Variants in AHI1 observed in about 807,000 individuals in gnomAD.
AHI1 encodes Abelson helper integration site 1.
AHI1 carries 123 observed loss-of-function variants against 149.3 expected under a neutral mutation model. The observed-to-expected ratio is 0.82, with a 90% CI of 0.71 to 0.96. The LOEUF (loss-of-function observed/expected upper bound fraction) is 0.96, where lower values mean the gene tolerates loss of function less well. AHI1 is among the 40% of genes least tolerant of loss of function. AHI1 has a pLI of 0.00. For synonymous variants in AHI1, 475 were observed against 459.8 expected (o/e 1.03, Z -0.42); for missense variants, 1,439 against 1,422.7 (o/e 1.01, Z -0.18).
At chr6:135,390,546 G>A (rs942870339) in intron 23 of AHI1, among the ~76,000 whole-genome samples, 4 of 152,162 alleles carry the variant, frequency 2.6e-5, no homozygotes, top group African/African-American at 9.7e-5. Context: ...TCTCCCTGAG[G>A]GCTGTGAGCA....
chr6:135,339,906 A>G (rs111939536), intron 24 of AHI1, among the ~76,000 whole-genome samples: 2,004 of 152,328 alleles, frequency 0.013, 45 homozygotes, highest in African/African-American at 0.045. Flanking sequence ...CTCAAAAGCA[A>G]CAAGAATAAA....
At chr6:135,405,804 G>A (rs1410541963) in intron 21 of AHI1, among the ~76,000 whole-genome samples, 1 of 146,244 alleles carries the variant, frequency 6.8e-6, no homozygotes, top group Non-Finnish European at 1.5e-5. Flanking sequence ...AGGTTGTAGT[G>A]AGCCAAGATT....
intron 24 of AHI1, among the ~76,000 whole-genome samples, chr6:135,342,062 GAAA>G (rs1790456103): frequency 6.6e-6 from 1 of 151,596 alleles, no homozygotes; most frequent in Non-Finnish European, 1.5e-5. Flanking sequence ...GGCCAGGGTA[GAAA>G]AAACAAAAGG....
chr6:135,314,381 C>A lies in AHI1; in HGVS notation c.3426+4138G>T, dbSNP rs530997461. ...ACCCTGGATCTGCCAGCACATTGAT[C>A]ATGAACTTTCCAGCTTCCAGAAGTG... On this transcript the variant is annotated intron_variant, in intron 26 of 28. Coordinates refer to ENST00000265602, the MANE Select transcript of AHI1 (RefSeq NM_001134831.2). Among the ~76,000 whole-genome samples, 26 of 152,324 alleles carry A rather than the reference C, an allele frequency of 1.7e-4. No homozygotes were observed. In the South Asian group the frequency reaches 2.9e-3, roughly 17 times the overall value.
At position 135,370,142 on chromosome 6, in the gene AHI1, G is replaced by A. The variant is rs1178318737; in HGVS notation, c.3110-11955C>T. On this transcript the variant is annotated intron_variant, in intron 23 of 28. Coordinates refer to ENST00000265602, the MANE Select transcript of AHI1 (RefSeq NM_001134831.2). The stretch of plus-strand genomic sequence containing the variant: ...TAATCAGTAGACTGAAATAGCAAAC[G>A]TCTTCCCTCAGAAAAGGCTCACCAT... Among the ~76,000 whole-genome samples the A allele has an allele frequency of 3.3e-5, 5 of 152,138 alleles. No individual in the cohort carries two copies. In the East Asian group the frequency reaches 5.8e-4, roughly 18 times the overall value.
intron 8 of AHI1, among the ~76,000 whole-genome samples, chr6:135,460,427 G>A (rs1467498738): frequency 6.6e-6 from 1 of 152,148 alleles, no homozygotes; most frequent in Non-Finnish European, 1.5e-5. Context: ...AAATGGAAGT[G>A]CATACCAAAT....
chr6:135,442,169 CTT>C (rs1040510603), intron 14 of AHI1, among the ~76,000 whole-genome samples: 1 of 152,048 alleles, frequency 6.6e-6, no homozygotes, highest in Non-Finnish European at 1.5e-5. Context: ...TCTAGGTACT[CTT>C]GAGTCAATTA....
intron 27 of AHI1, among the ~76,000 whole-genome samples, chr6:135,298,414 G>A (rs1337358767): frequency 6.6e-6 from 1 of 151,108 alleles, no homozygotes; most frequent in Non-Finnish European, 1.5e-5. Context: ...TACATATATT[G>A]GTCAACCAAC....
Position 135,383,244 on chromosome 6 carries a change from T to C in AHI1, c.3109+11532A>G, listed in dbSNP as rs1428356458. On this transcript the variant is annotated intron_variant, in intron 23 of 28. Transcript: ENST00000265602. Reference sequence around the variant, plus strand: ...CCCCTCCCTTTTTTTTTTTTTTTTTTTTTGAGACAGGGTCTTGCTCTGTCA... The same window carrying C: ...CCCCTCCCTTTTTTTTTTTTTTTTTCTTTGAGACAGGGTCTTGCTCTGTCA... Among the ~76,000 whole-genome samples the C allele has an allele frequency of 2.8e-4, 37 of 133,080 alleles. No homozygotes were observed. The South Asian group carries it at 9.1e-3, about 33-fold the overall frequency. The allele number at this position is 133,080 out of a possible 152,430, so 87.3% of individuals were successfully genotyped here.
In AHI1 at chr6:135,415,249, T is replaced by C. The variant is rs191126340; in HGVS notation, c.2765-3705A>G. On this transcript the variant is annotated intron_variant, in intron 20 of 28. Coordinates refer to ENST00000265602, the MANE Select transcript of AHI1 (RefSeq NM_001134831.2). ...TTGGGTTGGTTCCAAGTCTTTCCTA[T>C]TGTGAATAGTGCCGCAATAAACATA... is the stretch of plus-strand genomic sequence containing the variant. Among the ~76,000 whole-genome samples, 81 of 152,238 alleles carry C rather than the reference T, an allele frequency of 5.3e-4. 2 individuals are homozygous for C. The East Asian group carries it at 0.015, about 29-fold the overall frequency.
At chr6:135,399,516 G>A (rs1779721597) in intron 22 of AHI1, among the ~76,000 whole-genome samples, 1 of 151,910 alleles carries the variant, frequency 6.6e-6, no homozygotes, top group South Asian at 2.1e-4. Context: ...TTGTTTCTGG[G>A]GAGCCATCTT....
At chr6:135,483,394 C>A (rs1267452750) in intron 5 of AHI1, among the ~76,000 whole-genome samples, 1 of 152,026 alleles carries the variant, frequency 6.6e-6, no homozygotes, top group Non-Finnish European at 1.5e-5. Flanking sequence ...CAATTCACTG[C>A]ACAAAACAAA....
chr6:135,466,711 T>A (rs1194728071), intron 6 of AHI1, among the ~76,000 whole-genome samples: 1 of 152,304 alleles, frequency 6.6e-6, no homozygotes, highest in East Asian at 1.9e-4. Flanking sequence ...CTAATAGATA[T>A]TCGAGAAATT....
At chr6:135,303,872 A>T (rs1784212053) in intron 26 of AHI1, among the ~76,000 whole-genome samples, 1 of 152,190 alleles carries the variant, frequency 6.6e-6, no homozygotes, top group South Asian at 2.1e-4. Flanking sequence ...TCTGTAAATG[A>T]CAGTTTACAA....
intron 22 of AHI1, among the ~76,000 whole-genome samples, chr6:135,403,602 T>C (rs572574274): frequency 6.6e-6 from 1 of 152,276 alleles, no homozygotes; most frequent in African/African-American, 2.4e-5. Context: ...TGCAGTACAT[T>C]TGTTAAATAA....
chr6:135,365,259 T>C (rs1409700563), intron 23 of AHI1, among the ~76,000 whole-genome samples: 1 of 152,238 alleles, frequency 6.6e-6, no homozygotes, highest in Non-Finnish European at 1.5e-5. Flanking sequence ...CCATATTTGT[T>C]CTTTTTGCTT....
At chr6:135,442,484 G>A in intron 14 of AHI1, 98 bp downstream of exon 14, 2 of 1,300,782 alleles carry the variant, frequency 1.5e-6, no homozygotes, top group Middle Eastern at 2.1e-4. Flanking sequence ...AGTAGTACAG[G>A]GGATTACTCA....
chr6:135,478,217 C>T (rs1562267722), intron 5 of AHI1, among the ~76,000 whole-genome samples: 1 of 152,162 alleles, frequency 6.6e-6, no homozygotes, highest in Non-Finnish European at 1.5e-5. Context: ...AACTGGGTAA[C>T]AGGCAAAAGT....
intron 26 of AHI1, among the ~76,000 whole-genome samples, chr6:135,314,991 G>C (rs1369229292): frequency 6.6e-6 from 1 of 152,192 alleles, no homozygotes; most frequent in East Asian, 1.9e-4. Context: ...TGTATTTGAA[G>C]GGGTGGAGAT....
Sources: gnomAD v4.1 joint callset for allele counts (sites outside exome capture counted in the v4.1 genomes callset) on GRCh38, gnomAD v4.1.1 for gene constraint, MANE v1.5 for transcripts, NCBI Gene and HGNC (gene_info 2026-07-23, HGNC 2026-07-21) for gene names.